Variants in GCC2 observed in about 807,000 individuals in gnomAD.
GCC2 encodes GRIP and coiled-coil domain containing 2, also known as GRIP and coiled-coil domain-containing protein 2.
GCC2 carries 120 observed loss-of-function variants against 210.6 expected under a neutral mutation model. The ratio of observed to expected loss-of-function variants is 0.57; its 90% CI spans 0.49 to 0.66. GCC2 has a LOEUF of 0.66. Ranked by LOEUF, GCC2 falls within the 30% of genes least tolerant of loss-of-function variation. The pLI, the probability that GCC2 is intolerant of heterozygous loss-of-function variation, is 0.00. For missense variants in GCC2, 1,868 were observed against 1,871.9 expected, an observed-to-expected ratio of 1.00 and a Z score of 0.04; for synonymous variants, 703 against 652.7, an observed-to-expected ratio of 1.08 and a Z score of -1.17.
At chr2:108,495,204 T>G (rs11123697) in intron 19 of GCC2, 87 bp from the exon 20 acceptor site, 289,116 of 688,488 alleles carry the variant, frequency 0.42, 66,824 homozygotes, top group East Asian at 0.84. Context: ...TATCATTTGA[T>G]ATTTTCATTT....
intron 3 of GCC2, 112 bp downstream of exon 3, chr2:108,451,224 A>C: frequency 1.5e-6 from 1 of 649,892 alleles, no homozygotes; most frequent in Non-Finnish European, 2.7e-6. Flanking sequence ...AGTGATTCCA[A>C]GTACACCTTA....
intron 22 of GCC2, among the ~76,000 whole-genome samples, chr2:108,504,728 A>G (rs181807931): frequency 6.6e-6 from 1 of 152,232 alleles, no homozygotes; most frequent in African/African-American, 2.4e-5. Flanking sequence ...TTGAATCTCA[A>G]TTTTACTACT....
intron 4 of GCC2, among the ~76,000 whole-genome samples, chr2:108,456,045 C>G (rs1680257486): frequency 6.6e-6 from 1 of 151,968 alleles, no homozygotes; most frequent in Non-Finnish European, 1.5e-5. Context: ...AGTGCAGTGG[C>G]ATGATCTTGG....
chr2:108,461,535 C>G (rs923301197), intron 4 of GCC2, among the ~76,000 whole-genome samples: 1 of 152,072 alleles, frequency 6.6e-6, no homozygotes, highest in Admixed American at 6.6e-5. Context: ...GGCATAGTTT[C>G]ACTCTTGTGG....
chr2:108,484,218 C>A lies in GCC2; in HGVS notation c.3520C>A (p.Gln1174Lys). Reference protein sequence around the residue: ...DYERLMKELNQKLTNKNNKIE... With the variant: ...DYERLMKELNKKLTNKNNKIE... Reference sequence around the variant, plus strand: ...TGAACGTTTGATGAAAGAACTAAATCAAAAGTTAACTAATAAAAACAACAA... The same window carrying A: ...TGAACGTTTGATGAAAGAACTAAATAAAAAGTTAACTAATAAAAACAACAA... Residue 1174 changes from glutamine (Q) to lysine (K), a missense_variant, in exon 13 of 23, where the codon CAA becomes AAA. This residue lies in a region of GCC2 where 1,847 missense variants were observed against 1,765.2 expected (regional missense o/e 1.05). Transcript: ENST00000309863. 3 of 1,584,134 alleles carry A rather than the reference C, an allele frequency of 1.9e-6. No homozygotes were observed. Among genetic ancestry groups the A allele is most frequent in the South Asian group, 2.3e-5 (2 of 86,716 alleles).
rs201741176 is a variant in GCC2, at chr2:108,470,297, A to G, written c.968A>G (p.Asn323Ser). ...ATATGTTCTATTCTCTTGCAAGAAA[A>G]TACATTTGTAGAACAAGTAGTAAAT... ...NQICSILLQENTFVEQVVNEK... is the reference protein window; with the variant it reads ...NQICSILLQESTFVEQVVNEK... The change falls in exon 6 of 23, where the codon AAT (asparagine) becomes AGT (serine). Residue 323 changes from asparagine (N) to serine (S), a missense_variant. Around this residue, in one of 3 missense-constraint regions of GCC2, gnomAD observed 1,847 missense variants for 1,765.2 expected, o/e 1.05. Transcript: ENST00000309863. 46 of 1,613,120 alleles carry G rather than the reference A, an allele frequency of 2.9e-5. No individual in the cohort carries two copies. The highest frequency in any genetic ancestry group is 3.3e-5 in the Admixed American group (2 of 59,908).
chr2:108,482,073 C>G (rs184224857), intron 10 of GCC2, among the ~76,000 whole-genome samples: 2 of 152,136 alleles, frequency 1.3e-5, no homozygotes, highest in Non-Finnish European at 2.9e-5. Flanking sequence ...GCTCTTTGCT[C>G]TGCCAGTGCA....
At chr2:108,489,715 T>C (rs1476444362) in intron 17 of GCC2, 123 bp from the exon 18 acceptor site, 3 of 540,950 alleles carry the variant, frequency 5.5e-6, no homozygotes, top group Non-Finnish European at 9.6e-6. Flanking sequence ...TCTTCTATTA[T>C]ATTTCCTTTA....
At chr2:108,492,483 A>G in intron 18 of GCC2, 90 bp from the exon 19 acceptor site, 1 of 766,900 alleles carries the variant, frequency 1.3e-6, no homozygotes, top group South Asian at 1.5e-5. Context: ...GAGGTCTTAG[A>G]GCTAATTCTC....
chr2:108,453,612 C>G (rs1680078403), intron 4 of GCC2, among the ~76,000 whole-genome samples: 1 of 152,214 alleles, frequency 6.6e-6, no homozygotes, highest in East Asian at 1.9e-4. Context: ...TGGTGAAACC[C>G]TGTCTGTACT....
At chr2:108,454,098 C>T (rs536120760) in intron 4 of GCC2, among the ~76,000 whole-genome samples, 43 of 152,244 alleles carry the variant, frequency 2.8e-4, no homozygotes, top group African/African-American at 8.7e-4. Context: ...TGACGCCATT[C>T]TCCTGCCTCA....
Position 108,475,853 on chromosome 2 carries a change from A to G in GCC2, c.3060+3A>G. ...TTCAAGGAGCAGAAAGCTATAAGGT[A>G]AAAAATAGTCATTTTAATAACAAGT... On this transcript the variant is annotated splice_donor_region_variant and intron_variant, in intron 9 of 22. Coordinates refer to ENST00000309863, the MANE Select transcript of GCC2 (RefSeq NM_181453.4). 6.9e-7 allele frequency: 1 copy of G among 1,458,548 alleles called. No individual in the cohort carries two copies. The highest frequency in any genetic ancestry group is 9.4e-7 in the Non-Finnish European group (1 of 1,060,768). 90.4% of individuals were successfully genotyped at this position (1,458,548 alleles called of 1,614,324 possible).
intron 21 of GCC2, among the ~76,000 whole-genome samples, chr2:108,498,227 G>A (rs577503199): frequency 4.7e-4 from 47 of 100,676 alleles, no homozygotes; most frequent in South Asian, 7.0e-4. Flanking sequence ...ATAGAGTCTC[G>A]CTCTGTCTCC....
chr2:108,472,587 T>C (rs1681294940), intron 6 of GCC2, among the ~76,000 whole-genome samples: 1 of 151,956 alleles, frequency 6.6e-6, no homozygotes, highest in Non-Finnish European at 1.5e-5. Flanking sequence ...TCAGGTTGTT[T>C]ATCTTGGCCT....
At position 108,449,402 on chromosome 2, in the gene GCC2, T is replaced by G. The variant is rs2460947; in HGVS notation, c.6+122T>G. The G allele has an allele frequency of 2.2e-3, 3,180 of 1,445,798 alleles. 9 individuals carry two copies. The highest frequency in any genetic ancestry group is 2.7e-3 in the Non-Finnish European group (2,954 of 1,082,676). The allele number at this position is 1,445,798 out of a possible 1,614,324, so 89.6% of individuals were successfully genotyped here. A position where few individuals can be genotyped will look rare whatever the true frequency, so the allele number is the denominator to read the frequency against. On this transcript the variant is annotated intron_variant, in intron 1 of 22. Coordinates refer to ENST00000309863, the MANE Select transcript of GCC2 (RefSeq NM_181453.4). The stretch of plus-strand genomic sequence containing the variant: ...CTTGGTGTCCCGAAGCCCGCGCTGC[T>G]GTCGCCTCCCCATCTTTCGTAAACT...
At chr2:108,495,623 G>T (rs566179630) in intron 20 of GCC2, 138 bp downstream of exon 20, 1 of 520,846 alleles carries the variant, frequency 1.9e-6, no homozygotes, top group East Asian at 3.3e-5. Flanking sequence ...GTTTGTATTA[G>T]GGTTCTCTAG....
At chr2:108,481,964 T>G in intron 10 of GCC2, 148 bp downstream of exon 10, 1 of 604,750 alleles carries the variant, frequency 1.7e-6, no homozygotes, top group Non-Finnish European at 2.8e-6. Context: ...GAGAGAAGAA[T>G]AAGACAAAAC....
At chr2:108,504,901 A>G in intron 22 of GCC2, among the ~76,000 whole-genome samples, 1 of 152,200 alleles carries the variant, frequency 6.6e-6, no homozygotes, top group Non-Finnish European at 1.5e-5. Flanking sequence ...CCCAATAGGA[A>G]AATAGGCCAA....
At position 108,471,113 on chromosome 2, in the gene GCC2, A is replaced by G. The variant is rs1681190864; in HGVS notation, c.1784A>G (p.Glu595Gly). The change falls in exon 6 of 23, where the codon GAA (glutamate) becomes GGA (glycine). Residue 595 changes from glutamate (E) to glycine (G), a missense_variant. Transcript: ENST00000309863. ...GGAAAGATAAATTCTCTTACTGAGG[A>G]AAAAGATGATTTTATAAATAAACTG... Reference protein sequence around the residue: ...LEGKINSLTEEKDDFINKLKN... With the variant: ...LEGKINSLTEGKDDFINKLKN... The G allele has an allele frequency of 6.3e-7, 1 of 1,585,938 alleles. No individual in the cohort carries two copies. Among genetic ancestry groups the G allele is most frequent in the African/African-American group, 1.3e-5 (1 of 74,122 alleles).
Sources: gnomAD v4.1 joint callset for allele counts (sites outside exome capture counted in the v4.1 genomes callset) on GRCh38, gnomAD v4.1.1 for gene constraint, gnomAD v4.1.1 regional missense constraint, MANE v1.5 for transcripts, NCBI Gene and HGNC (gene_info 2026-07-23, HGNC 2026-07-21) for gene names.